GTF2F2: variants seen among roughly 807,000 people sequenced by gnomAD.
GTF2F2 encodes the protein ATP-dependent helicase GTF2F2.
Under a neutral mutation model 42.2 loss-of-function variants are expected in GTF2F2, and 23 were observed. The observed-to-expected ratio is 0.55, with a 90% CI of 0.39 to 0.77. The LOEUF (loss-of-function observed/expected upper bound fraction) is 0.77. Among genes scored for constraint, GTF2F2 ranks in the 30% least tolerant of loss-of-function variants. GTF2F2 has a pLI of 0.00. For synonymous variants in GTF2F2, 105 were observed against 100.8 expected (o/e 1.04, Z -0.25); for missense variants, 261 against 287.2 (o/e 0.91, Z 0.66).
intron 2 of GTF2F2, among the ~76,000 whole-genome samples, chr13:45,146,483 G>A (rs1870199896): frequency 6.6e-6 from 1 of 152,048 alleles, no homozygotes; most frequent in South Asian, 2.1e-4. Flanking sequence ...TGGGTGACAG[G>A]TCAAGACCCT....
At chr13:45,217,714 C>T (rs1242051209) in intron 5 of GTF2F2, among the ~76,000 whole-genome samples, 1 of 152,206 alleles carries the variant, frequency 6.6e-6, no homozygotes, top group Non-Finnish European at 1.5e-5. Context: ...AGCCTTACAG[C>T]TTTGCAGGAT....
intron 5 of GTF2F2, among the ~76,000 whole-genome samples, chr13:45,218,677 A>G (rs1311946781): frequency 6.6e-6 from 1 of 152,244 alleles, no homozygotes; most frequent in Non-Finnish European, 1.5e-5. Context: ...ACATTTGAAA[A>G]TGCAGAAAAG....
chr13:45,267,472 C>A, intron 7 of GTF2F2, 96 bp downstream of exon 7: 3 of 823,944 alleles, frequency 3.6e-6, no homozygotes, highest in South Asian at 2.3e-5. Context: ...TCACATTTAC[C>A]TATGCTAATG....
intron 1 of GTF2F2, among the ~76,000 whole-genome samples, chr13:45,125,363 A>C (rs1868932727): frequency 6.6e-6 from 1 of 151,596 alleles, no homozygotes; most frequent in Non-Finnish European, 1.5e-5. Flanking sequence ...CTCTTTTGCC[A>C]GGCTGGAGTG....
chr13:45,228,582 C>T (rs1874494847), intron 5 of GTF2F2, among the ~76,000 whole-genome samples: 1 of 151,336 alleles, frequency 6.6e-6, no homozygotes, highest in Non-Finnish European at 1.5e-5. Context: ...CACTGAGCAG[C>T]TTCTCCTCAT....
intron 4 of GTF2F2, among the ~76,000 whole-genome samples, chr13:45,167,119 G>T (rs1362643593): frequency 6.8e-6 from 1 of 147,740 alleles, no homozygotes; most frequent in African/African-American, 2.5e-5. Context: ...AAAGAACTTC[G>T]TGTATGTGTA....
At chr13:45,270,862 CTT>C (rs1231868676) in intron 7 of GTF2F2, among the ~76,000 whole-genome samples, 2 of 152,218 alleles carry the variant, frequency 1.3e-5, no homozygotes, top group South Asian at 2.1e-4. Context: ...CCATTAAAAA[CTT>C]TATCTAATTG....
At chr13:45,148,805 T>A (rs1174585701) in intron 2 of GTF2F2, among the ~76,000 whole-genome samples, 1 of 152,078 alleles carries the variant, frequency 6.6e-6, no homozygotes, top group African/African-American at 2.4e-5. Flanking sequence ...GTAAAAAAAA[T>A]TAAAATTTAA....
At position 45,174,643 on chromosome 13, in the gene GTF2F2, T is replaced by C. The variant is rs1254037454; in HGVS notation, c.304+22812T>C. 3.3e-5 allele frequency among the ~76,000 whole-genome samples: 5 copies of C among 149,624 alleles called. No individual in the cohort carries two copies. In the South Asian group the frequency reaches 8.4e-4, roughly 25 times the overall value. ...CACTGTTTTCTTTTTTCTTTTTTTT[T>C]TTTTTTTTTTTTAGAAATAATAGTT... On this transcript the variant is annotated intron_variant, in intron 4 of 7. Coordinates refer to ENST00000340473, the MANE Select transcript of GTF2F2 (RefSeq NM_004128.3).
intron 4 of GTF2F2, among the ~76,000 whole-genome samples, chr13:45,154,507 T>C (rs1870656820): frequency 6.6e-6 from 1 of 152,194 alleles, no homozygotes; most frequent in African/African-American, 2.4e-5. Context: ...ATGTTCTTTA[T>C]AGAACTGTGA....
At chr13:45,135,460 A>AT (rs111869271) in intron 1 of GTF2F2, among the ~76,000 whole-genome samples, 5,295 of 150,808 alleles carry the variant, frequency 0.035, 268 homozygotes, top group African/African-American at 0.12. Context: ...GGGTTTCACC[A>AT]TGTTGGTCAG....
At chr13:45,220,787 G>A (rs2138204203) in intron 5 of GTF2F2, 1 of 152,160 alleles carries the variant, frequency 6.6e-6, no homozygotes, top group Admixed American at 6.5e-5. Context: ...ACTCTGAGGG[G>A]GGTTCCTAGG....
intron 7 of GTF2F2, among the ~76,000 whole-genome samples, chr13:45,279,759 G>T (rs764729651): frequency 1.2e-4 from 18 of 152,148 alleles, no homozygotes; most frequent in Admixed American, 3.9e-4. Context: ...TACAAAATTA[G>T]CCAGGCGTGG....
In GTF2F2 at chr13:45,178,524, T is replaced by C. The variant is rs561592675; in HGVS notation, c.304+26693T>C. On this transcript the variant is annotated intron_variant, in intron 4 of 7. Coordinates refer to ENST00000340473, the MANE Select transcript of GTF2F2 (RefSeq NM_004128.3). ...TAGAGTCCCTTTATGTTGATGCTTTTACTGGTACTTAGTCAAGGAATCTAG... is the reference window on the plus strand; with the variant it reads ...TAGAGTCCCTTTATGTTGATGCTTTCACTGGTACTTAGTCAAGGAATCTAG... 3.3e-5 allele frequency among the ~76,000 whole-genome samples: 5 copies of C among 152,134 alleles called. No individual in the cohort carries two copies. The South Asian group carries it at 1.0e-3, about 32-fold the overall frequency.
At chr13:45,207,897 C>A (rs530578442) in intron 5 of GTF2F2, among the ~76,000 whole-genome samples, 1 of 152,160 alleles carries the variant, frequency 6.6e-6, no homozygotes, top group African/African-American at 2.4e-5. Flanking sequence ...TGGCACATGC[C>A]TGTAATCCCA....
At chr13:45,141,117 T>C (rs1869907483) in intron 2 of GTF2F2, among the ~76,000 whole-genome samples, 2 of 152,188 alleles carry the variant, frequency 1.3e-5, no homozygotes, top group South Asian at 4.1e-4. Flanking sequence ...AAAACCTCTA[T>C]GTAAAGAAAA....
At chr13:45,124,387 A>C (rs989476536) in intron 1 of GTF2F2, among the ~76,000 whole-genome samples, 6 of 149,570 alleles carry the variant, frequency 4.0e-5, no homozygotes, top group Admixed American at 3.3e-4. Context: ...TGGCCTCCCC[A>C]CTGGCCTTTT....
chr13:45,186,336 A>G (rs9526045), intron 4 of GTF2F2, among the ~76,000 whole-genome samples: 149,068 of 149,072 alleles, frequency 1, 74,532 homozygotes, highest in Middle Eastern at 1. Context: ...CCGTCACCCA[A>G]ACTGGAGTGT....
intron 5 of GTF2F2, among the ~76,000 whole-genome samples, chr13:45,216,093 A>C (rs1873877290): frequency 6.6e-6 from 1 of 151,872 alleles, no homozygotes; most frequent in Non-Finnish European, 1.5e-5. Context: ...CAACAACAAA[A>C]ATTAGCCAAG....
Sources: gnomAD v4.1 joint callset for allele counts (sites outside exome capture counted in the v4.1 genomes callset) on GRCh38, gnomAD v4.1.1 for gene constraint, MANE v1.5 for transcripts, NCBI Gene and HGNC (gene_info 2026-07-23, HGNC 2026-07-21) for gene names.